The following SMR3B variants were observed in gnomAD, a reference collection of about 807,000 sequenced individuals.
SMR3B encodes the protein submaxillary gland androgen regulated protein 3B.
For missense variants in SMR3B, 114 were observed against 99.9 expected, an observed-to-expected ratio of 1.14 and a Z score of -0.60; for synonymous variants, 42 against 36.1, an observed-to-expected ratio of 1.16 and a Z score of -0.59.
intron 2 of SMR3B, among the ~76,000 whole-genome samples, chr4:70,388,427 T>G (rs1213275160): frequency 6.6e-6 from 1 of 152,176 alleles, no homozygotes. Context: ...CTATTTTTAT[T>G]TCTAAAAATT....
Position 70,389,677 on chromosome 4 carries a change from A to C in SMR3B, c.69A>C (p.Gln23His), listed in dbSNP as rs1732726537. 6.2e-7 allele frequency: 1 copy of C among 1,613,976 alleles called. No homozygotes were observed. The highest frequency in any genetic ancestry group is 2.2e-5 in the East Asian group (1 of 44,884). ...TATTTCCACAGCCTGGTGAGAGTCA[A>C]AGAGGCCCCAGGGGACCATATCCAC... ...LAACFTPGES[Q>H]RGPRGPYPPG... The change falls in exon 3 of 3, where the codon CAA (glutamine) becomes CAC (histidine). Residue 23 changes from glutamine (Q) to histidine (H), a missense_variant. Gln to His is a conservative substitution (Grantham distance 24). Transcript: ENST00000304915.
At position 70,389,935 on chromosome 4, in the gene SMR3B, T is replaced by C. The variant is rs764045354; in HGVS notation, c.*87T>C. On this transcript the variant is annotated 3_prime_UTR_variant, in exon 3 of 3. Transcript: ENST00000304915. Reference sequence around the variant, plus strand: ...ATCCACCTGGACCTCCATTTTTCCCTGTAAATTCTCCAACTGATCCTACCC... The same window carrying C: ...ATCCACCTGGACCTCCATTTTTCCCCGTAAATTCTCCAACTGATCCTACCC... 1.2e-6 allele frequency: 2 copies of C among 1,602,352 alleles called. No homozygotes were observed. The highest frequency in any genetic ancestry group is 8.6e-7 in the Non-Finnish European group (1 of 1,169,546).
chr4:70,384,668 A>T, intron 2 of SMR3B, 104 bp downstream of exon 2: 1 of 1,559,366 alleles, frequency 6.4e-7, no homozygotes, highest in South Asian at 1.2e-5. Context: ...ATATATTAGT[A>T]ACTATTAATC....
chr4:70,384,915 A>C (rs1381158882), intron 2 of SMR3B: 1 of 182,478 alleles, frequency 5.5e-6, no homozygotes, highest in Non-Finnish European at 1.1e-5. Context: ...TGGATCATTT[A>C]CACCAGAGTC....
intron 1 of SMR3B, 37 bp from the exon 2 acceptor site, chr4:70,384,460 A>T: frequency 6.3e-7 from 1 of 1,588,044 alleles, no homozygotes; most frequent in Non-Finnish European, 8.5e-7. Flanking sequence ...TTTAATAAAA[A>T]ACAATCATAC....
intron 1 of SMR3B, among the ~76,000 whole-genome samples, chr4:70,384,122 T>C (rs2170249): frequency 0.71 from 107,658 of 151,816 alleles, 38,506 homozygotes; most frequent in African/African-American, 0.78. Flanking sequence ...CTATAATGTA[T>C]CTACTATTTT....
chr4:70,384,703 T>C, intron 2 of SMR3B, 139 bp downstream of exon 2: 4 of 1,451,162 alleles, frequency 2.8e-6, no homozygotes, highest in Non-Finnish European at 3.7e-6. Flanking sequence ...GTTTAGGGCT[T>C]AAATTTAAAT....
In SMR3B at chr4:70,390,089, C is replaced by T. The variant is rs1732737358; in HGVS notation, c.*241C>T. 3.6e-6 allele frequency: 3 copies of T among 828,950 alleles called. No individual in the cohort carries two copies. The highest frequency in any genetic ancestry group is 2.8e-5 in the South Asian group (2 of 71,576). The allele number at this position is 828,950 out of a possible 1,614,324, so 51.3% of individuals were successfully genotyped here. ...GAATTCCAACACTGCTTCCAAGAGACATTTACATAAAATTGCTTCCATTTT... is the reference window on the plus strand; with the variant it reads ...GAATTCCAACACTGCTTCCAAGAGATATTTACATAAAATTGCTTCCATTTT... On this transcript the variant is annotated 3_prime_UTR_variant, in exon 3 of 3. Coordinates refer to ENST00000304915, the MANE Select transcript of SMR3B (RefSeq NM_006685.4).
chr4:70,386,198 G>A (rs978378926), intron 2 of SMR3B, among the ~76,000 whole-genome samples: 4 of 151,286 alleles, frequency 2.6e-5, no homozygotes, highest in African/African-American at 7.3e-5. Context: ...GCTTGAACCC[G>A]GGAGGTGGAC....
At position 70,383,168 on chromosome 4, in the gene SMR3B, T is replaced by C. The variant is rs909561249; in HGVS notation, c.-59T>C. 1 of 152,166 alleles carries C rather than the reference T, an allele frequency of 6.6e-6. No individual in the cohort carries two copies. The highest frequency in any genetic ancestry group is 6.5e-5 in the Admixed American group (1 of 15,280). 9.4% of individuals were successfully genotyped at this position (152,166 alleles called of 1,614,324 possible). A position where few individuals can be genotyped will look rare whatever the true frequency, so the allele number is the denominator to read the frequency against. ...CGTCTTTCAACTGGCAAGAGTCATT[T>C]TGACCAGCAGATTAATCAACTGTAA... On this transcript the variant is annotated 5_prime_UTR_variant, in exon 1 of 3. Coordinates refer to ENST00000304915, the MANE Select transcript of SMR3B (RefSeq NM_006685.4).
At chr4:70,386,374 A>T (rs1732666257) in intron 2 of SMR3B, among the ~76,000 whole-genome samples, 2 of 152,038 alleles carry the variant, frequency 1.3e-5, no homozygotes, top group African/African-American at 4.8e-5. Flanking sequence ...GAGATTCATG[A>T]TGATTAATAA....
chr4:70,387,559 T>C (rs567365512), intron 2 of SMR3B, among the ~76,000 whole-genome samples: 5 of 152,114 alleles, frequency 3.3e-5, no homozygotes, highest in Non-Finnish European at 5.9e-5. Flanking sequence ...AAGGGAAGAC[T>C]GACAGAGCCA....
intron 1 of SMR3B, 127 bp from the exon 2 acceptor site, chr4:70,384,370 A>T: frequency 6.8e-7 from 1 of 1,465,936 alleles, no homozygotes; most frequent in Non-Finnish European, 9.1e-7. Context: ...AAATAACATT[A>T]GGCAAATTCC....
chr4:70,387,755 C>T (rs1313877339), intron 2 of SMR3B, among the ~76,000 whole-genome samples: 34 of 152,094 alleles, frequency 2.2e-4, no homozygotes, highest in Admixed American at 2.2e-3. Context: ...GTTGATAAAA[C>T]TGGCATCAAC....
intron 2 of SMR3B, among the ~76,000 whole-genome samples, chr4:70,388,214 A>G (rs1732699288): frequency 6.6e-6 from 1 of 151,866 alleles, no homozygotes; most frequent in Admixed American, 6.6e-5. Flanking sequence ...TCATTTTCCT[A>G]TCCAGAACTG....
chr4:70,389,780 A>C lies in SMR3B; in HGVS notation c.172A>C (p.Arg58=), dbSNP rs1285464679. ...PPPPPPYGPG[R]IPPPPPAPYG... Reference sequence around the variant, plus strand: ...TCCTCCTCCACCCTATGGTCCAGGGAGAATCCCACCTCCTCCTCCCGCACC... The same window carrying C: ...TCCTCCTCCACCCTATGGTCCAGGGCGAATCCCACCTCCTCCTCCCGCACC... The change falls in exon 3 of 3, where the codon AGA becomes CGA. Residue 58 remains arginine (R), a synonymous_variant. Coordinates refer to ENST00000304915, the MANE Select transcript of SMR3B (RefSeq NM_006685.4). The C allele has an allele frequency of 6.2e-7, 1 of 1,613,734 alleles. No homozygotes were observed. The highest frequency in any genetic ancestry group is 8.5e-7 in the Non-Finnish European group (1 of 1,179,898).
chr4:70,384,776 G>GATACCACAGACT, intron 2 of SMR3B: 4 of 943,518 alleles, frequency 4.2e-6, no homozygotes, highest in Non-Finnish European at 6.1e-6. Context: ...GCTCAAGTCT[G>GATACCACAGACT]TGGTATCAGA....
At chr4:70,388,361 C>T (rs913534222) in intron 2 of SMR3B, among the ~76,000 whole-genome samples, 1 of 152,112 alleles carries the variant, frequency 6.6e-6, no homozygotes, top group Admixed American at 6.6e-5. Context: ...AATCCACCTG[C>T]CTCAGCCTCC....
At chr4:70,386,283 A>AG (rs1403109678) in intron 2 of SMR3B, among the ~76,000 whole-genome samples, 1 of 151,502 alleles carries the variant, frequency 6.6e-6, no homozygotes, top group Non-Finnish European at 1.5e-5. Flanking sequence ...AAAAAAAAAA[A>AG]AAAAGAAAAA....
Sources: gnomAD v4.1 joint callset for allele counts (sites outside exome capture counted in the v4.1 genomes callset) on GRCh38, gnomAD v4.1.1 for gene constraint, MANE v1.5 for transcripts, NCBI Gene and HGNC (gene_info 2026-07-23, HGNC 2026-07-21) for gene names.